Variants in ALK observed in about 807,000 individuals in gnomAD.
ALK encodes ALK tyrosine kinase receptor.
A neutral mutation model predicts 163.1 loss-of-function variants in ALK; 74 were observed. That is an observed-to-expected ratio of 0.45 (90% CI 0.38 to 0.55). The LOEUF (loss-of-function observed/expected upper bound fraction) is 0.55. ALK is among the 20% of genes least tolerant of loss of function. The pLI is 0.00. For synonymous variants in ALK, 960 were observed against 843.2 expected, an observed-to-expected ratio of 1.14 and a Z score of -2.40; for missense variants, 2,063 against 2,105.3, an observed-to-expected ratio of 0.98 and a Z score of 0.39.
intron 4 of ALK, among the ~76,000 whole-genome samples, chr2:29,395,120 C>T (rs1273889062): frequency 6.6e-6 from 1 of 152,190 alleles, no homozygotes; most frequent in Non-Finnish European, 1.5e-5. Context: ...ATCCTGTTCC[C>T]TAGAGAGGCA....
intron 3 of ALK, among the ~76,000 whole-genome samples, chr2:29,642,313 G>A (rs1193119036): frequency 1.3e-5 from 2 of 152,150 alleles, no homozygotes; most frequent in Non-Finnish European, 2.9e-5. Context: ...CTTTCTAGCA[G>A]AAGCAAAGCA....
chr2:29,320,109 C>G (rs1426047450), intron 7 of ALK, among the ~76,000 whole-genome samples: 4 of 152,234 alleles, frequency 2.6e-5, no homozygotes, highest in African/African-American at 9.6e-5. Context: ...CCTGCCCAGC[C>G]TGGTGTCTCT....
intron 3 of ALK, among the ~76,000 whole-genome samples, chr2:29,592,964 T>A (rs1168194539): frequency 6.6e-6 from 1 of 152,206 alleles, no homozygotes; most frequent in Non-Finnish European, 1.5e-5. Flanking sequence ...AGCTGCGAGA[T>A]AATACATTTC....
intron 15 of ALK, among the ~76,000 whole-genome samples, chr2:29,230,772 G>T (rs1664176665): frequency 6.6e-6 from 1 of 152,168 alleles, no homozygotes; most frequent in Admixed American, 6.5e-5. Flanking sequence ...GAGGGTGTGG[G>T]CCTGTCAAGG....
chr2:29,589,121 TA>T (rs920030509), intron 3 of ALK, among the ~76,000 whole-genome samples: 1 of 152,198 alleles, frequency 6.6e-6, no homozygotes, highest in African/African-American at 2.4e-5. Context: ...CAAGCGATGA[TA>T]GGTGAGATGT....
intron 3 of ALK, among the ~76,000 whole-genome samples, chr2:29,598,956 A>C (rs1430510645): frequency 6.6e-6 from 1 of 152,162 alleles, no homozygotes; most frequent in Non-Finnish European, 1.5e-5. Context: ...TTAAAAGTAC[A>C]TGTAAAAGGA....
At chr2:29,876,386 G>T (rs570888702) in intron 1 of ALK, among the ~76,000 whole-genome samples, 1 of 151,788 alleles carries the variant, frequency 6.6e-6, no homozygotes, top group African/African-American at 2.4e-5. Context: ...TAGTGATAAT[G>T]ATGATGGTGA....
At chr2:29,412,997 T>C (rs1393258750) in intron 4 of ALK, among the ~76,000 whole-genome samples, 2 of 152,234 alleles carry the variant, frequency 1.3e-5, no homozygotes, top group East Asian at 1.9e-4. Flanking sequence ...ATCGTAGCTA[T>C]GGTGGCATGT....
chr2:29,882,023 C>G, intron 1 of ALK, among the ~76,000 whole-genome samples: 1 of 152,074 alleles, frequency 6.6e-6, no homozygotes, highest in East Asian at 1.9e-4. Flanking sequence ...CAGTGAAGAC[C>G]CACACACACA....
intron 4 of ALK, among the ~76,000 whole-genome samples, chr2:29,483,455 C>A (rs1038959735): frequency 6.6e-6 from 1 of 152,148 alleles, no homozygotes; most frequent in African/African-American, 2.4e-5. Flanking sequence ...CTCCTGGGAG[C>A]TTTTTAGAAA....
chr2:29,323,806 T>C (rs1667151208), intron 6 of ALK, among the ~76,000 whole-genome samples: 2 of 152,254 alleles, frequency 1.3e-5, no homozygotes, highest in African/African-American at 4.8e-5. Flanking sequence ...ACTCATCCTC[T>C]GATCATCCTT....
chr2:29,343,384 A>C (rs1235156357), intron 5 of ALK, among the ~76,000 whole-genome samples: 2 of 150,656 alleles, frequency 1.3e-5, no homozygotes, highest in Non-Finnish European at 3.0e-5. Flanking sequence ...AAGTAAAAAA[A>C]AAAAAAAAAA....
At chr2:29,310,388 T>C (rs1415805791) in intron 8 of ALK, among the ~76,000 whole-genome samples, 1 of 152,190 alleles carries the variant, frequency 6.6e-6, no homozygotes, top group Non-Finnish European at 1.5e-5. Flanking sequence ...ACTACATCCT[T>C]AGTTGGCTTT....
At chr2:29,897,012 C>T (rs1402797904) in intron 1 of ALK, among the ~76,000 whole-genome samples, 2 of 152,194 alleles carry the variant, frequency 1.3e-5, no homozygotes, top group East Asian at 3.8e-4. Context: ...TAGAGATCTA[C>T]AATCCACCTT....
At chr2:29,414,717 A>G (rs935600389) in intron 4 of ALK, among the ~76,000 whole-genome samples, 3 of 152,212 alleles carry the variant, frequency 2.0e-5, no homozygotes, top group Non-Finnish European at 4.4e-5. Context: ...AGTCCTGTCT[A>G]TTTATCAAAG....
intron 1 of ALK, among the ~76,000 whole-genome samples, chr2:29,837,141 T>A (rs902387978): frequency 1.3e-5 from 2 of 152,206 alleles, no homozygotes; most frequent in African/African-American, 4.8e-5. Flanking sequence ...TTTCACAGTA[T>A]AACTTAGCCT....
chr2:29,445,005 A>G (rs1464992627), intron 4 of ALK, among the ~76,000 whole-genome samples: 5 of 152,204 alleles, frequency 3.3e-5, no homozygotes, highest in African/African-American at 1.2e-4. Flanking sequence ...CCAAGTTATC[A>G]AAGATAAAGG....
Position 29,383,989 on chromosome 2 carries a change from G to C in ALK, c.1155-130C>G. The stretch of plus-strand genomic sequence containing the variant: ...CATTCTTCATGGGCACCAAGAGATG[G>C]GACTCGAAGTGGCACTGAGGACAGT... On this transcript the variant is annotated intron_variant, in intron 4 of 28. Coordinates refer to ENST00000389048, the MANE Select transcript of ALK (RefSeq NM_004304.5). 3 of 1,149,478 alleles carry C rather than the reference G, an allele frequency of 2.6e-6. No individual in the cohort carries two copies. The Admixed American group carries it at 5.3e-5, about 20-fold the overall frequency. 71.2% of individuals were successfully genotyped at this position (1,149,478 alleles called of 1,614,324 possible). A position where few individuals can be genotyped will look rare whatever the true frequency, so the allele number is the denominator to read the frequency against.
intron 1 of ALK, among the ~76,000 whole-genome samples, chr2:29,910,714 C>T (rs979582418): frequency 1.2e-4 from 18 of 152,302 alleles, no homozygotes; most frequent in Middle Eastern, 3.4e-3. Flanking sequence ...CATTAAAGTG[C>T]TATCCACCTG....
Sources: allele counts gnomAD v4.1 joint callset (sites outside exome capture counted in the v4.1 genomes callset), GRCh38; gene constraint gnomAD v4.1.1; transcripts MANE v1.5; gene names NCBI Gene and HGNC (gene_info 2026-07-23, HGNC 2026-07-21).